Variants in FUT8 observed in about 807,000 individuals in gnomAD.
FUT8 encodes fucosyltransferase 8, also known as alpha-(1,6)-fucosyltransferase.
FUT8 carries 29 observed loss-of-function variants against 71.3 expected under a neutral mutation model. The observed-to-expected ratio is 0.41, with a 90% confidence interval of 0.30 to 0.55. FUT8 has a LOEUF of 0.55. FUT8 is among the 20% of genes least tolerant of loss of function. FUT8 has a pLI of 0.34. For missense variants in FUT8, 544 were observed against 702.1 expected, an observed-to-expected ratio of 0.77 and a Z score of 2.55; for synonymous variants, 254 against 239.3, an observed-to-expected ratio of 1.06 and a Z score of -0.57.
Position 65,669,216 on chromosome 14 carries a change from A to G in FUT8, c.598-27A>G. The G allele has an allele frequency of 6.4e-7, 1 of 1,563,992 alleles. No individual in the cohort carries two copies. ...TGACCTCTCTGTACAACTTATCTTT[A>G]TTTTCATTTCTCTTTCTCCCTGACA... On this transcript the variant is annotated intron_variant, in intron 6 of 10. Transcript: ENST00000673929. This position sits in a 1 kb window ranked among gnomAD's most constrained non-coding sequence, Gnocchi z 4.5.
chr14:65,455,020 G>A (rs1025939021), intron 1 of FUT8, among the ~76,000 whole-genome samples: 1 of 152,042 alleles, frequency 6.6e-6, no homozygotes, highest in African/African-American at 2.4e-5. Context: ...AGGTATAGAG[G>A]GGCTGGATTT....
chr14:65,566,482 T>A (rs1296418928), intron 3 of FUT8, among the ~76,000 whole-genome samples: 2 of 152,022 alleles, frequency 1.3e-5, no homozygotes, highest in Non-Finnish European at 2.9e-5. Context: ...TAGCCAGAGT[T>A]ATGTATAGAC....
chr14:65,504,651 T>C (rs1489119407), intron 2 of FUT8, among the ~76,000 whole-genome samples: 1 of 152,160 alleles, frequency 6.6e-6, no homozygotes. Context: ...CAGAAAACGT[T>C]GTGTTCTCCT....
At chr14:65,469,517 C>T (rs941875087) in intron 2 of FUT8, among the ~76,000 whole-genome samples, 6 of 152,158 alleles carry the variant, frequency 3.9e-5, no homozygotes, top group East Asian at 1.9e-4. Context: ...CGCCTTTGCC[C>T]GAGTTCTTGT....
intron 3 of FUT8, among the ~76,000 whole-genome samples, chr14:65,580,262 T>C (rs985898223): frequency 6.6e-5 from 10 of 151,572 alleles, no homozygotes; most frequent in African/African-American, 1.9e-4. Context: ...TACAAACTTG[T>C]ACAGCATGTT....
intron 10 of FUT8, among the ~76,000 whole-genome samples, chr14:65,734,298 G>A (rs1308972605): frequency 1.3e-5 from 2 of 152,136 alleles, no homozygotes; most frequent in Non-Finnish European, 2.9e-5. Context: ...AAAAAGGAAA[G>A]CCACATCATT....
intron 2 of FUT8, among the ~76,000 whole-genome samples, chr14:65,504,852 G>A (rs2066701922): frequency 6.6e-6 from 1 of 152,152 alleles, no homozygotes; most frequent in Non-Finnish European, 1.5e-5. Context: ...CTGTGCAGGA[G>A]AATGGCTTGA....
chr14:65,694,869 A>G (rs986773376), intron 7 of FUT8, among the ~76,000 whole-genome samples: 1 of 128,384 alleles, frequency 7.8e-6, no homozygotes, highest in African/African-American at 3.0e-5. Flanking sequence ...CAGGAAGGGG[A>G]ACATCACACT....
At chr14:65,435,680 C>T (rs2065544972) in intron 1 of FUT8, among the ~76,000 whole-genome samples, 1 of 151,040 alleles carries the variant, frequency 6.6e-6, no homozygotes, top group South Asian at 2.1e-4. Flanking sequence ...TATGAAACTG[C>T]CAAATTGTTT....
In FUT8 at chr14:65,643,045, C is replaced by G. The variant is rs17181339; in HGVS notation, c.597+13439C>G. 0.034 allele frequency among the ~76,000 whole-genome samples: 5,228 copies of G among 152,214 alleles called. 147 individuals carry two copies. Among genetic ancestry groups the G allele is most frequent in the Admixed American group, 0.065 (997 of 15,296 alleles). On this transcript the variant is annotated intron_variant, in intron 6 of 10. Coordinates refer to ENST00000673929, the MANE Select transcript of FUT8 (RefSeq NM_001371533.1). The surrounding 1 kb of genome is among the most constrained non-coding windows in gnomAD (Gnocchi z 4.5). ...TACAGTTTACTATTAGGATAACTTACAGTAAGCCACAAATTAATTCCTCCT... is the reference window on the plus strand; with the variant it reads ...TACAGTTTACTATTAGGATAACTTAGAGTAAGCCACAAATTAATTCCTCCT...
At chr14:65,421,179 G>A (rs1197111184) in intron 1 of FUT8, among the ~76,000 whole-genome samples, 4 of 142,700 alleles carry the variant, frequency 2.8e-5, no homozygotes, top group African/African-American at 5.2e-5. Flanking sequence ...GCGACAGAGC[G>A]GGACTCCATC....
intron 2 of FUT8, among the ~76,000 whole-genome samples, chr14:65,534,830 C>CTAGT (rs976728895): frequency 5.3e-5 from 8 of 151,202 alleles, no homozygotes; most frequent in Non-Finnish European, 8.8e-5. Flanking sequence ...ATTAGTCTAG[C>CTAGT]TAGTGGTCTA....
chr14:65,712,592 G>A (rs1014839019), intron 7 of FUT8, among the ~76,000 whole-genome samples: 4 of 151,972 alleles, frequency 2.6e-5, no homozygotes, highest in Non-Finnish European at 4.4e-5. Flanking sequence ...TTACAGGCAT[G>A]TGCCACCACA....
intron 2 of FUT8, among the ~76,000 whole-genome samples, chr14:65,536,072 A>T (rs906124349): frequency 5.3e-5 from 8 of 151,670 alleles, no homozygotes; most frequent in Non-Finnish European, 1.0e-4. Flanking sequence ...TTGGCTTAAA[A>T]TCTGTTTTTT....
intron 2 of FUT8, among the ~76,000 whole-genome samples, chr14:65,542,324 G>A (rs1860492619): frequency 6.6e-6 from 1 of 152,082 alleles, no homozygotes; most frequent in Non-Finnish European, 1.5e-5. Flanking sequence ...TCTAACCTTA[G>A]AGCCTGTACT....
intron 2 of FUT8, among the ~76,000 whole-genome samples, chr14:65,525,833 C>T (rs1265963337): frequency 6.6e-6 from 1 of 152,184 alleles, no homozygotes; most frequent in Non-Finnish European, 1.5e-5. Flanking sequence ...AGTAGTCATT[C>T]AGGAGCAGGT....
chr14:65,567,755 T>C lies in FUT8; in HGVS notation c.203+5989T>C, dbSNP rs11624589. The stretch of plus-strand genomic sequence containing the variant: ...TACAGTGGGAACAACATTCCTATCC[T>C]GATAGGCCTGATTAAGCAGATATTC... On this transcript the variant is annotated intron_variant, in intron 3 of 10. Transcript: ENST00000673929. Among the ~76,000 whole-genome samples, 1,115 of 152,042 alleles carry C rather than the reference T, an allele frequency of 7.3e-3. 8 individuals carry two copies. The highest frequency in any genetic ancestry group is 0.013 in the Non-Finnish European group (879 of 67,862).
intron 3 of FUT8, among the ~76,000 whole-genome samples, chr14:65,592,446 A>G (rs556904668): frequency 6.6e-6 from 1 of 152,124 alleles, no homozygotes; most frequent in East Asian, 1.9e-4. Context: ...CTACCTACGT[A>G]CCTACCTACC....
At chr14:65,404,664 G>A in the FUT8 span, among the ~76,000 whole-genome samples, 18,832 of 151,758 alleles carry the variant, frequency 0.12, 1,493 homozygotes, top group East Asian at 0.38. Context: ...TAGTAGAGAC[G>A]GGGTTTCACC....
Sources: allele counts gnomAD v4.1 joint callset (sites outside exome capture counted in the v4.1 genomes callset), GRCh38; gene constraint gnomAD v4.1.1; non-coding constraint Gnocchi (gnomAD v3.1); transcripts MANE v1.5; gene names NCBI Gene and HGNC (gene_info 2026-07-23, HGNC 2026-07-21).